ELAPOR2: variants seen among roughly 807,000 people sequenced by gnomAD.
ELAPOR2 encodes the protein endosome/lysosome-associated apoptosis and autophagy regulator family member 2.
ELAPOR2 carries 89 observed loss-of-function variants against 120.7 expected under a neutral mutation model. That is an observed-to-expected ratio of 0.74 (90% CI 0.62 to 0.88). The LOEUF (loss-of-function observed/expected upper bound fraction) is 0.88. Ranked by LOEUF, ELAPOR2 falls within the 40% of genes least tolerant of loss-of-function variation. ELAPOR2 has a pLI of 0.00. For missense variants in ELAPOR2, 1,134 were observed against 1,251.6 expected, an observed-to-expected ratio of 0.91 and a Z score of 1.42; for synonymous variants, 444 against 444.9, an observed-to-expected ratio of 1.00 and a Z score of 0.03.
chr7:86,969,694 A>AGT (rs1792040482), intron 1 of ELAPOR2, among the ~76,000 whole-genome samples: 1 of 152,222 alleles, frequency 6.6e-6, no homozygotes, highest in Non-Finnish European at 1.5e-5. Context: ...ATCACAAGTC[A>AGT]GTGCCCAAGT....
intron 1 of ELAPOR2, among the ~76,000 whole-genome samples, chr7:87,052,465 T>C (rs763395053): frequency 5.3e-5 from 8 of 152,168 alleles, no homozygotes; most frequent in African/African-American, 1.9e-4. Flanking sequence ...AAGATGAGAT[T>C]TGGGTGGGAA....
At chr7:86,968,475 A>G (rs547036490) in intron 1 of ELAPOR2, among the ~76,000 whole-genome samples, 9 of 152,360 alleles carry the variant, frequency 5.9e-5, no homozygotes, top group African/African-American at 1.9e-4. Flanking sequence ...AAACTGGTAA[A>G]TATCCAGAGG....
In ELAPOR2 at chr7:86,938,934, GA is replaced by G. The variant is rs1790683336; in HGVS notation, c.873del (p.Pro292LeufsTer33). 1.2e-6 allele frequency: 2 copies of G among 1,613,022 alleles called. No homozygotes were observed. Among genetic ancestry groups the G allele is most frequent in the African/African-American group, 1.3e-5 (1 of 74,824 alleles). The stretch of plus-strand genomic sequence containing the variant: ...TTGCTGAATGTGCCTGGCTTGCAAG[GA>G]AAACATTCTGATGTGTACGCCACCC... ...IEGVAYTSEC[F>X]PCKPGTFSNK... On this transcript the variant is annotated frameshift_variant, in exon 7 of 22. Transcript: ENST00000450689. LOFTEE classifies it high-confidence loss of function.
chr7:86,944,532 A>T (rs1358141962), intron 4 of ELAPOR2, among the ~76,000 whole-genome samples: 1 of 152,234 alleles, frequency 6.6e-6, no homozygotes, highest in Non-Finnish European at 1.5e-5. Context: ...AAATTGGTTT[A>T]AAAAACACAG....
At chr7:86,927,630 A>T (rs1790134401) in intron 8 of ELAPOR2, among the ~76,000 whole-genome samples, 1 of 152,054 alleles carries the variant, frequency 6.6e-6, no homozygotes, top group African/African-American at 2.4e-5. Flanking sequence ...AAATATAAGA[A>T]AACAGCTGTA....
chr7:86,995,068 C>A (rs577492549), intron 1 of ELAPOR2, among the ~76,000 whole-genome samples: 1 of 152,314 alleles, frequency 6.6e-6, no homozygotes, highest in Non-Finnish European at 1.5e-5. Flanking sequence ...CTTACCAGGG[C>A]TAGCTTCATC....
intron 12 of ELAPOR2, among the ~76,000 whole-genome samples, chr7:86,916,222 A>C (rs567326734): frequency 6.6e-6 from 1 of 152,300 alleles, no homozygotes; most frequent in African/African-American, 2.4e-5. Context: ...AAGTTCACAT[A>C]ATTAAAGCAG....
Position 87,055,202 on chromosome 7 carries a change from A to T in ELAPOR2, c.189+4123T>A, listed in dbSNP as rs540847658. Among the ~76,000 whole-genome samples, 10 of 152,300 alleles carry T rather than the reference A, an allele frequency of 6.6e-5. No individual in the cohort carries two copies. In the East Asian group the frequency reaches 1.9e-3, roughly 29 times the overall value. On this transcript the variant is annotated intron_variant, in intron 1 of 21. Coordinates refer to ENST00000450689, the MANE Select transcript of ELAPOR2 (RefSeq NM_001142749.3). ...AGCTCTACATAAAGTCACTCCTTCC[A>T]GACAGAACAAGCTCCTTATCCCATC...
chr7:86,985,655 A>G (rs751226001), intron 1 of ELAPOR2, among the ~76,000 whole-genome samples: 21 of 151,834 alleles, frequency 1.4e-4, no homozygotes, highest in Non-Finnish European at 1.9e-4. Flanking sequence ...CATGCTAAAA[A>G]CTCTCAATAC....
At chr7:86,997,037 A>C (rs1767739) in intron 1 of ELAPOR2, among the ~76,000 whole-genome samples, 57,474 of 151,932 alleles carry the variant, frequency 0.38, 11,715 homozygotes, top group African/African-American at 0.53. Flanking sequence ...AAAATCACTT[A>C]TATACTTTAC....
At chr7:86,914,899 A>G in intron 12 of ELAPOR2, 39 bp from the exon 13 acceptor site, 1 of 1,511,484 alleles carries the variant, frequency 6.6e-7, no homozygotes, top group Non-Finnish European at 9.1e-7. Context: ...AATAAAGCAC[A>G]AACTCAACAT....
In ELAPOR2 at chr7:86,914,793, G is replaced by C; in HGVS notation, c.1661C>G (p.Thr554Ser). ...AGTTGCATTCTTGAAGATGATATGG[G>C]TGTAAGCTTGTTTTTCTTTGGTTCC... is the stretch of plus-strand genomic sequence containing the variant. Reference protein sequence around the residue: ...WGGTKEKQAYTHIIFKNATFT... With the variant: ...WGGTKEKQAYSHIIFKNATFT... Residue 554 changes from threonine to serine, a missense_variant, in exon 13 of 22, where the codon ACC becomes AGC. Coordinates refer to ENST00000450689, the MANE Select transcript of ELAPOR2 (RefSeq NM_001142749.3). The C allele has an allele frequency of 3.7e-6, 6 of 1,612,374 alleles. No individual in the cohort carries two copies. The highest frequency in any genetic ancestry group is 5.1e-6 in the Non-Finnish European group (6 of 1,178,896).
At chr7:87,017,606 T>C (rs1309497464) in intron 1 of ELAPOR2, among the ~76,000 whole-genome samples, 1 of 152,126 alleles carries the variant, frequency 6.6e-6, no homozygotes, top group East Asian at 1.9e-4. Flanking sequence ...TTTGTTTGTT[T>C]AAAAGATCTA....
At chr7:86,931,346 G>C (rs954513355) in intron 8 of ELAPOR2, among the ~76,000 whole-genome samples, 1 of 151,764 alleles carries the variant, frequency 6.6e-6, no homozygotes, top group Non-Finnish European at 1.5e-5. Context: ...TTCTCCAAAA[G>C]AAACACAAAA....
chr7:86,888,462 C>G, intron 21 of ELAPOR2, among the ~76,000 whole-genome samples: 1 of 152,050 alleles, frequency 6.6e-6, no homozygotes, highest in Non-Finnish European at 1.5e-5. Flanking sequence ...AAGAAAAATG[C>G]TCTGATGTGG....
chr7:86,999,517 G>C (rs1793240652), intron 1 of ELAPOR2, among the ~76,000 whole-genome samples: 1 of 152,030 alleles, frequency 6.6e-6, no homozygotes, highest in Non-Finnish European at 1.5e-5. Context: ...GCAGAGTAAA[G>C]AATAAAAATG....
chr7:86,934,031 T>C (rs1790453381), intron 8 of ELAPOR2, among the ~76,000 whole-genome samples: 1 of 152,014 alleles, frequency 6.6e-6, no homozygotes, highest in South Asian at 2.1e-4. Flanking sequence ...TACATAAAAA[T>C]TTCAACTCAG....
At chr7:87,013,334 G>A (rs1026970706) in intron 1 of ELAPOR2, among the ~76,000 whole-genome samples, 2 of 151,936 alleles carry the variant, frequency 1.3e-5, no homozygotes, top group Non-Finnish European at 2.9e-5. Context: ...AATCAGAAGG[G>A]AAAATACTGT....
At chr7:86,924,083 C>G (rs1469180613) in intron 10 of ELAPOR2, among the ~76,000 whole-genome samples, 1 of 152,046 alleles carries the variant, frequency 6.6e-6, no homozygotes, top group Non-Finnish European at 1.5e-5. Flanking sequence ...GTGAGTGCTG[C>G]TCCTCACAAG....
Sources: gnomAD v4.1 joint callset for allele counts (sites outside exome capture counted in the v4.1 genomes callset) on GRCh38, gnomAD v4.1.1 for gene constraint, MANE v1.5 for transcripts, NCBI Gene and HGNC (gene_info 2026-07-23, HGNC 2026-07-21) for gene names.